Variants in SLC28A1 observed in about 807,000 individuals in gnomAD.
The protein encoded by SLC28A1 is sodium/nucleoside cotransporter 1.
SLC28A1 carries 64 observed loss-of-function variants against 74.8 expected under a neutral mutation model. That is an observed-to-expected ratio of 0.86 (90% CI 0.70 to 1.05). The LOEUF (loss-of-function observed/expected upper bound fraction) is 1.05. Among genes scored for constraint, SLC28A1 ranks in the 50% least tolerant of loss-of-function variants. The pLI is 0.00. For synonymous variants in SLC28A1, 359 were observed against 335.0 expected (o/e 1.07, Z -0.78); for missense variants, 828 against 822.8 (o/e 1.01, Z -0.08).
chr15:84,912,675 A>G (rs1968432744), intron 9 of SLC28A1, among the ~76,000 whole-genome samples: 1 of 152,146 alleles, frequency 6.6e-6, no homozygotes, highest in African/African-American at 2.4e-5. Context: ...TAAGCTTAGC[A>G]GTGCTGCTCA....
intron 12 of SLC28A1, among the ~76,000 whole-genome samples, chr15:84,932,799 G>A (rs533216977): frequency 1.3e-5 from 2 of 152,266 alleles, no homozygotes; most frequent in East Asian, 3.9e-4. Flanking sequence ...CCTTGAACTT[G>A]GAGCCAAAAG....
intron 12 of SLC28A1, among the ~76,000 whole-genome samples, chr15:84,930,689 T>C (rs1215967448): frequency 7.0e-6 from 1 of 142,956 alleles, no homozygotes; most frequent in African/African-American, 2.6e-5. Context: ...CACTGCAACC[T>C]CTGCCTCCTG....
the SLC28A1 span, among the ~76,000 whole-genome samples, chr15:84,962,282 C>T: frequency 1.3e-5 from 2 of 152,156 alleles, no homozygotes; most frequent in South Asian, 4.1e-4. Flanking sequence ...CTATGTTGCC[C>T]AGGCTTGTCT....
intron 15 of SLC28A1, among the ~76,000 whole-genome samples, chr15:84,937,683 C>T (rs1195538258): frequency 2.6e-5 from 4 of 152,018 alleles, no homozygotes; most frequent in African/African-American, 4.8e-5. Flanking sequence ...GGGTGGATCA[C>T]TTGAGGTCAG....
the SLC28A1 span, among the ~76,000 whole-genome samples, chr15:84,951,582 G>A: frequency 6.6e-6 from 1 of 152,078 alleles, no homozygotes; most frequent in African/African-American, 2.4e-5. Flanking sequence ...GAGCCTGCTA[G>A]TAGACAGGAA....
At chr15:84,932,937 A>C (rs900179712) in intron 12 of SLC28A1, among the ~76,000 whole-genome samples, 4 of 152,250 alleles carry the variant, frequency 2.6e-5, no homozygotes, top group African/African-American at 9.6e-5. Context: ...AGGGAGCACC[A>C]GGAAGAAATA....
chr15:84,912,847 C>CACACAA (rs60379618), intron 9 of SLC28A1, among the ~76,000 whole-genome samples: 2,783 of 131,022 alleles, frequency 0.021, 76 homozygotes, highest in African/African-American at 0.046. Context: ...CACACACACA[C>CACACAA]AGATCAAATA....
At chr15:84,889,094 A>G (rs527427413) in intron 4 of SLC28A1, among the ~76,000 whole-genome samples, 72 of 152,104 alleles carry the variant, frequency 4.7e-4, no homozygotes, top group Non-Finnish European at 1.0e-3. Context: ...CAGGAACCCC[A>G]GTATGTACCG....
At chr15:84,961,759 T>C in the SLC28A1 span, among the ~76,000 whole-genome samples, 1 of 152,124 alleles carries the variant, frequency 6.6e-6, no homozygotes, top group East Asian at 1.9e-4. Flanking sequence ...CTCCAAGATG[T>C]TGGGTGAGAG....
Position 84,895,605 on chromosome 15 carries a change from G to C in SLC28A1, c.461+482G>C, listed in dbSNP as rs137881702. The C allele has an allele frequency of 9.4e-6, 14 of 1,495,884 alleles. No homozygotes were observed. In the African/African-American group the frequency reaches 1.4e-4, roughly 15 times the overall value. 92.7% of individuals were successfully genotyped at this position (1,495,884 alleles called of 1,614,324 possible). The stretch of plus-strand genomic sequence containing the variant: ...GCTGCTTTTCAAACTGGATTCCTTG[G>C]AGCGCTGGAAATCTCAGCGATGTCA... On this transcript the variant is annotated intron_variant, in intron 6 of 18. Transcript: ENST00000394573.
the SLC28A1 span, among the ~76,000 whole-genome samples, chr15:84,971,529 C>T: frequency 6.6e-6 from 1 of 152,174 alleles, no homozygotes; most frequent in Non-Finnish European, 1.5e-5. Flanking sequence ...GTTCTCCTTC[C>T]CCTTCCACCA....
At chr15:84,948,633 C>T (rs1043580017), downstream of SLC28A1, among the ~76,000 whole-genome samples, 23 of 152,168 alleles carry the variant, frequency 1.5e-4, no homozygotes, top group Admixed American at 7.2e-4. Flanking sequence ...CCCAGTTGTT[C>T]TGCTTTTCCT....
At chr15:84,916,575 A>C (rs1189046072) in intron 9 of SLC28A1, among the ~76,000 whole-genome samples, 2 of 152,094 alleles carry the variant, frequency 1.3e-5, no homozygotes, top group Non-Finnish European at 2.9e-5. Context: ...AAAGAGCCCC[A>C]AGCCAAAGCC....
At chr15:84,895,668 A>G (rs1318578304) in intron 6 of SLC28A1, 4 of 1,416,764 alleles carry the variant, frequency 2.8e-6, no homozygotes, top group Non-Finnish European at 3.7e-6. Context: ...GAAAATTCAG[A>G]CTTCCCGCCC....
At chr15:84,910,684 T>C (rs796930251) in intron 9 of SLC28A1, among the ~76,000 whole-genome samples, 33 of 152,214 alleles carry the variant, frequency 2.2e-4, no homozygotes, top group Middle Eastern at 6.8e-3. Context: ...GCTGAGATCA[T>C]GCCATTGCAC....
At position 84,942,517 on chromosome 15, in the gene SLC28A1, CT is replaced by C. The variant is rs1972826549; in HGVS notation, c.1582-927del. 2.0e-5 allele frequency among the ~76,000 whole-genome samples: 3 copies of C among 152,324 alleles called. No individual in the cohort carries two copies. The South Asian group carries it at 6.2e-4, about 32-fold the overall frequency. On this transcript the variant is annotated intron_variant, in intron 15 of 18. Coordinates refer to ENST00000394573, the MANE Select transcript of SLC28A1 (RefSeq NM_004213.5). ...AATAACTATTGTGTTTGAACACTTA[CT>C]GTCTGCCTGGTGTTTCCCATACATT...
intron 9 of SLC28A1, among the ~76,000 whole-genome samples, chr15:84,909,998 G>A (rs1359651500): frequency 1.3e-5 from 2 of 152,256 alleles, no homozygotes; most frequent in African/African-American, 4.8e-5. Flanking sequence ...CGTTGAGCCA[G>A]ATCATGAGTT....
chr15:84,961,984 G>A, the SLC28A1 span, among the ~76,000 whole-genome samples: 2 of 152,182 alleles, frequency 1.3e-5, no homozygotes, highest in Non-Finnish European at 2.9e-5. Context: ...TCCTTGCCTT[G>A]GGTATTTCTG....
intron 15 of SLC28A1, 137 bp downstream of exon 15, chr15:84,935,655 TA>T: frequency 2.7e-6 from 2 of 727,760 alleles, no homozygotes; most frequent in Non-Finnish European, 4.6e-6. Flanking sequence ...CTACATCCTG[TA>T]GTCCTGGGAG....
Sources: allele counts gnomAD v4.1 joint callset (sites outside exome capture counted in the v4.1 genomes callset), GRCh38; gene constraint gnomAD v4.1.1; transcripts MANE v1.5; gene names NCBI Gene and HGNC (gene_info 2026-07-23, HGNC 2026-07-21).